The following SBNO1 variants were observed in gnomAD, a reference collection of about 807,000 sequenced individuals.
SBNO1 encodes strawberry notch homolog 1, also known as protein strawberry notch homolog 1.
In SBNO1, 23 loss-of-function variants were observed where a neutral mutation model predicts 173.6. That is an observed-to-expected ratio of 0.13 (90% confidence interval 0.10 to 0.19). The LOEUF (loss-of-function observed/expected upper bound fraction) is 0.19. Ranked by LOEUF, SBNO1 falls within the 10% of genes least tolerant of loss-of-function variation. The probability of loss-of-function intolerance (pLI) is 1.00; values close to 1 mark genes in which losing one functional copy is unlikely to be tolerated. For missense variants in SBNO1, 1,238 were observed against 1,671.2 expected (o/e 0.74, Z 4.52); for synonymous variants, 632 against 571.5 (o/e 1.11, Z -1.51).
chr12:123,355,029 C>T (rs1874282418), intron 1 of SBNO1, among the ~76,000 whole-genome samples: 1 of 150,722 alleles, frequency 6.6e-6, no homozygotes, highest in African/African-American at 2.4e-5. Context: ...GTTTCTTTTT[C>T]TTTTTTTTTG....
At position 123,315,635 on chromosome 12, in the gene SBNO1, A is replaced by C. The variant is rs1307277299; in HGVS notation, c.2961T>G (p.Val987=). Residue 987 remains valine, a synonymous_variant, in exon 22 of 32, where the codon GTT becomes GTG. Transcript: ENST00000602398. ...TCAGAAAGACATACTCAGGAGCAGT[A>C]ACTTGGTTTGATCTATGAGTACGTC... ...QFGRTHRSNQ[V]TAPEYVFLIS... The C allele has an allele frequency of 2.5e-6, 4 of 1,613,664 alleles. No homozygotes were observed. In the South Asian group the frequency reaches 4.4e-5, roughly 18 times the overall value.
At chr12:123,362,387 G>A (rs940522060) in intron 1 of SBNO1, among the ~76,000 whole-genome samples, 3 of 132,622 alleles carry the variant, frequency 2.3e-5, no homozygotes, top group African/African-American at 8.7e-5. Flanking sequence ...AGTGAGCAGA[G>A]ATCGTGCCAC....
In SBNO1 at chr12:123,345,552, T is replaced by C. The variant is rs1272843291; in HGVS notation, c.256A>G (p.Thr86Ala). Residue 86 changes from threonine to alanine, a missense_variant, in exon 4 of 32, where the codon ACA becomes GCA. Coordinates refer to ENST00000602398, the MANE Select transcript of SBNO1 (RefSeq NM_001167856.3). ...TTTATTTGATTCAGCACAAATGTTGTAGTAGATGGAGGCTGCTGCTAGATA... is the reference window on the plus strand; with the variant it reads ...TTTATTTGATTCAGCACAAATGTTGCAGTAGATGGAGGCTGCTGCTAGATA... ...LNVRQQPPST[T>A]TFVLNQINHL... The C allele has an allele frequency of 1.9e-6, 3 of 1,613,488 alleles. No homozygotes were observed. The African/African-American group carries it at 4.0e-5, about 22-fold the overall frequency.
At position 123,358,215 on chromosome 12, in the gene SBNO1, CAA is replaced by C. The variant is rs1349056738; in HGVS notation, c.-1+6484_-1+6485del. 1.1e-4 allele frequency among the ~76,000 whole-genome samples: 17 copies of C among 152,304 alleles called. No individual in the cohort carries two copies. In the South Asian group the frequency reaches 3.1e-3, roughly 28 times the overall value. ...ACAGTACCTTAAAATGTGCATGAAA[CAA>C]AGTTTTGACTGCATTTTGGACTGTG... On this transcript the variant is annotated intron_variant, in intron 1 of 31. Transcript: ENST00000602398.
At chr12:123,340,846 A>T in intron 5 of SBNO1, 142 bp downstream of exon 5, 2 of 624,324 alleles carry the variant, frequency 3.2e-6, no homozygotes, top group South Asian at 1.9e-5. Flanking sequence ...GCGAGGTTTA[A>T]GCATATCCAT....
chr12:123,360,987 T>C (rs2139110384), intron 1 of SBNO1, among the ~76,000 whole-genome samples: 1 of 152,242 alleles, frequency 6.6e-6, no homozygotes, highest in Non-Finnish European at 1.5e-5. Flanking sequence ...GGCTCACGCC[T>C]ATAATCCCAG....
Position 123,297,323 on chromosome 12 carries a change from C to T in SBNO1, c.4039+655G>A, listed in dbSNP as rs542949942. ...CCAGCCTGGGCGACACAGTGAGACT[C>T]AGTCTCAAAAAAAAAAAAAAAAAAA... On this transcript the variant is annotated intron_variant, in intron 31 of 31. Coordinates refer to ENST00000602398, the MANE Select transcript of SBNO1 (RefSeq NM_001167856.3). Among the ~76,000 whole-genome samples, 7 of 64,168 alleles carry T rather than the reference C, an allele frequency of 1.1e-4. No individual in the cohort carries two copies. The South Asian group carries it at 5.1e-3, about 47-fold the overall frequency. The allele number at this position is 64,168 out of a possible 152,430, so 42.1% of individuals were successfully genotyped here. A position where few individuals can be genotyped will look rare whatever the true frequency, so the allele number is the denominator to read the frequency against.
rs768164813 is a variant in SBNO1 at position 123,298,014 on chromosome 12, C to T, written c.4003G>A (p.Val1335Met). 51 of 1,613,964 alleles carry T rather than the reference C, an allele frequency of 3.2e-5. No individual in the cohort carries two copies. Among genetic ancestry groups the T allele is most frequent in the Non-Finnish European group, 3.9e-5 (46 of 1,180,022 alleles). The change falls in exon 31 of 32, where the codon GTG (valine) becomes ATG (methionine). Residue 1335 changes from valine (V) to methionine (M), a missense_variant. By Grantham distance (21) the Val-to-Met change is conservative. Around this residue, in one of 14 missense-constraint regions of SBNO1, gnomAD observed 351 missense variants for 420.3 expected, o/e 0.84. Coordinates refer to ENST00000602398, the MANE Select transcript of SBNO1 (RefSeq NM_001167856.3). ...TGCCCATCTTCCGTTCTTAGCCGCACGATCTGCATCTTCACGTTTGTGCCA... is the reference window on the plus strand; with the variant it reads ...TGCCCATCTTCCGTTCTTAGCCGCATGATCTGCATCTTCACGTTTGTGCCA... The part of the protein sequence containing the change: ...VSGTNVKMQI[V>M]RLRTEDGQRI...
intron 20 of SBNO1, among the ~76,000 whole-genome samples, chr12:123,318,148 C>T (rs1452102354): frequency 6.6e-6 from 1 of 152,072 alleles, no homozygotes; most frequent in Non-Finnish European, 1.5e-5. Context: ...AGGGCAGGGT[C>T]CCATTATGTT....
chr12:123,297,010 G>T (rs377435883), intron 31 of SBNO1, among the ~76,000 whole-genome samples: 1 of 151,782 alleles, frequency 6.6e-6, no homozygotes, highest in Non-Finnish European at 1.5e-5. Flanking sequence ...GGCTGCTTTT[G>T]AAACTGGAAA....
At chr12:123,351,513 G>A (rs1319595791) in intron 1 of SBNO1, among the ~76,000 whole-genome samples, 1 of 152,008 alleles carries the variant, frequency 6.6e-6, no homozygotes, top group Non-Finnish European at 1.5e-5. Context: ...TGTAGTCCCA[G>A]CTACTTGGGA....
intron 9 of SBNO1, 83 bp from the exon 10 acceptor site, chr12:123,328,978 G>A: frequency 2.5e-6 from 2 of 803,236 alleles, no homozygotes; most frequent in Non-Finnish European, 3.8e-6. Context: ...TTCACAAGCA[G>A]GAACTCTTGT....
At chr12:123,364,243 C>T in intron 1 of SBNO1, 2 of 985,514 alleles carry the variant, frequency 2.0e-6, no homozygotes, top group Non-Finnish European at 2.4e-6. Context: ...CGCCCAGAGC[C>T]GGGAGCAATG....
chr12:123,315,303 T>A, intron 23 of SBNO1, 70 bp downstream of exon 23: 1 of 1,221,134 alleles, frequency 8.2e-7, no homozygotes, highest in Non-Finnish European at 1.2e-6. Context: ...GTAACTACTT[T>A]CCTTTTGTGT....
At chr12:123,328,678 C>T in intron 10 of SBNO1, 56 bp downstream of exon 10, 4 of 1,316,898 alleles carry the variant, frequency 3.0e-6, no homozygotes, top group Non-Finnish European at 3.0e-6. Context: ...AAAGGTCTAC[C>T]CTTTTATAAT....
chr12:123,322,984 A>G (rs925644594), intron 16 of SBNO1, among the ~76,000 whole-genome samples: 5 of 152,226 alleles, frequency 3.3e-5, no homozygotes, highest in African/African-American at 2.4e-5. Context: ...ACAAAGACAC[A>G]GGTTTTAGTT....
intron 13 of SBNO1, among the ~76,000 whole-genome samples, chr12:123,326,676 AGCACTTTGG>A (rs1472649952): frequency 1.3e-5 from 2 of 152,232 alleles, no homozygotes; most frequent in African/African-American, 4.8e-5. Context: ...CTGTAATCCC[AGCACTTTGG>A]GAGGCTGAGG....
chr12:123,338,894 ACACACACACACACACACGCC>A (rs1302109526), intron 5 of SBNO1, among the ~76,000 whole-genome samples: 1 of 3,642 alleles, frequency 2.7e-4, no homozygotes, highest in African/African-American at 1.1e-3. Context: ...ACACACCCCG[ACACACACACACACACACGCC>A]CCCCCCCCCC....
chr12:123,344,156 G>GT (rs1872852080), intron 4 of SBNO1, among the ~76,000 whole-genome samples: 1 of 152,122 alleles, frequency 6.6e-6, no homozygotes, highest in Non-Finnish European at 1.5e-5. Flanking sequence ...TCCAAAGACC[G>GT]TAACGAGAAG....
Sources: allele counts gnomAD v4.1 joint callset (sites outside exome capture counted in the v4.1 genomes callset), GRCh38; gene constraint gnomAD v4.1.1; regional missense constraint gnomAD v4.1.1; transcripts MANE v1.5; gene names NCBI Gene and HGNC (gene_info 2026-07-23, HGNC 2026-07-21).